Variants in EXT1 observed in about 807,000 individuals in gnomAD.
The protein encoded by EXT1 is exostosin-1.
In EXT1, 20 loss-of-function variants were observed where a neutral mutation model predicts 82.5. The observed-to-expected ratio is 0.24, with a 90% CI of 0.17 to 0.35. EXT1 has a LOEUF of 0.35. EXT1 is among the 10% of genes least tolerant of loss of function. The pLI, the probability that EXT1 is intolerant of heterozygous loss-of-function variation, is 1.00. For synonymous variants in EXT1, 348 were observed against 350.8 expected, an observed-to-expected ratio of 0.99 and a Z score of 0.09; for missense variants, 757 against 936.5, an observed-to-expected ratio of 0.81 and a Z score of 2.50.
chr8:118,004,507 C>G (rs1205962703), intron 1 of EXT1, among the ~76,000 whole-genome samples: 2 of 152,158 alleles, frequency 1.3e-5, no homozygotes, highest in African/African-American at 4.8e-5. Context: ...AGCACTGATA[C>G]ACCAAACCTC....
chr8:118,040,322 A>G (rs1816506315), intron 1 of EXT1, among the ~76,000 whole-genome samples: 2 of 152,182 alleles, frequency 1.3e-5, no homozygotes, highest in African/African-American at 4.8e-5. Context: ...AAAACCAGGT[A>G]GCTATTTTGG....
At chr8:117,893,026 T>C (rs569505073) in intron 1 of EXT1, among the ~76,000 whole-genome samples, 5 of 152,384 alleles carry the variant, frequency 3.3e-5, no homozygotes, top group African/African-American at 1.2e-4. Context: ...AAAATTGTGT[T>C]TACTGTTTCA....
intron 1 of EXT1, among the ~76,000 whole-genome samples, chr8:117,861,100 G>A (rs1812676008): frequency 6.6e-6 from 1 of 152,228 alleles, no homozygotes; most frequent in Non-Finnish European, 1.5e-5. Flanking sequence ...TACTCTGCTG[G>A]GTCCTCATGG....
chr8:117,844,132 A>AATT (rs1184849304), intron 1 of EXT1, among the ~76,000 whole-genome samples: 1 of 57,444 alleles, frequency 1.7e-5, no homozygotes, highest in African/African-American at 7.2e-5. Context: ...TTAAAATTTC[A>AATT]ATTACTATTA....
At chr8:117,914,535 A>G (rs1813710609) in intron 1 of EXT1, among the ~76,000 whole-genome samples, 1 of 152,328 alleles carries the variant, frequency 6.6e-6, no homozygotes, top group African/African-American at 2.4e-5. Context: ...ACGTGCGAGT[A>G]GGAAAGATAT....
chr8:117,799,938 T>C, intron 10 of EXT1, 41 bp from the exon 11 acceptor site: 2 of 1,600,216 alleles, frequency 1.2e-6, no homozygotes, highest in Non-Finnish European at 1.7e-6. Context: ...ATGAGAGAAG[T>C]GCAAGGTGAG....
At chr8:117,834,454 A>T (rs778854675) in intron 3 of EXT1, among the ~76,000 whole-genome samples, 1 of 152,126 alleles carries the variant, frequency 6.6e-6, no homozygotes, top group Non-Finnish European at 1.5e-5. Context: ...CAAATACAAA[A>T]ATTAGCCAGG....
intron 1 of EXT1, among the ~76,000 whole-genome samples, chr8:117,980,881 G>T (rs1438681491): frequency 6.6e-6 from 1 of 152,116 alleles, no homozygotes; most frequent in East Asian, 1.9e-4. Flanking sequence ...CACTCCCGCT[G>T]CGAGGGCACC....
chr8:117,987,415 T>A (rs1429026338), intron 1 of EXT1, among the ~76,000 whole-genome samples: 1 of 152,238 alleles, frequency 6.6e-6, no homozygotes, highest in Non-Finnish European at 1.5e-5. Flanking sequence ...GCATTCTATC[T>A]GCGCAGGCAC....
chr8:117,872,837 A>G (rs1023116134), intron 1 of EXT1, among the ~76,000 whole-genome samples: 24 of 152,028 alleles, frequency 1.6e-4, no homozygotes, highest in African/African-American at 4.6e-4. Context: ...AAAAAAAAAA[A>G]AAAGAAAGAA....
At chr8:117,942,981 C>A (rs1016996755) in intron 1 of EXT1, among the ~76,000 whole-genome samples, 4 of 152,154 alleles carry the variant, frequency 2.6e-5, no homozygotes, top group Non-Finnish European at 4.4e-5. Context: ...AACTCTCAAA[C>A]GTCTTTTTGA....
At chr8:118,052,305 A>AT (rs1816730191) in intron 1 of EXT1, among the ~76,000 whole-genome samples, 1 of 152,244 alleles carries the variant, frequency 6.6e-6, no homozygotes, top group African/African-American at 2.4e-5. Context: ...ATATAGTTGG[A>AT]TTTTTAAAAT....
intron 1 of EXT1, among the ~76,000 whole-genome samples, chr8:117,914,328 C>A (rs562364476): frequency 6.6e-5 from 10 of 152,296 alleles, no homozygotes; most frequent in Admixed American, 5.9e-4. Context: ...TACGTCAGGA[C>A]CACTGTGATA....
chr8:117,979,102 C>A (rs1279738284), intron 1 of EXT1, among the ~76,000 whole-genome samples: 2 of 152,046 alleles, frequency 1.3e-5, no homozygotes, highest in African/African-American at 2.4e-5. Flanking sequence ...TGCCTGTAAT[C>A]CTAGCACTTC....
At chr8:117,837,969 A>G (rs886349740) in intron 1 of EXT1, among the ~76,000 whole-genome samples, 3 of 152,210 alleles carry the variant, frequency 2.0e-5, no homozygotes, top group African/African-American at 7.2e-5. Flanking sequence ...TGCTTTTCGA[A>G]AAAACATACA....
At chr8:117,968,598 C>T in intron 1 of EXT1, among the ~76,000 whole-genome samples, 1 of 48,486 alleles carries the variant, frequency 2.1e-5, no homozygotes. Context: ...GAGACGGAGT[C>T]TCACTCTGTC....
intron 1 of EXT1, among the ~76,000 whole-genome samples, chr8:118,074,192 A>G (rs1483402272): frequency 6.6e-6 from 1 of 152,112 alleles, no homozygotes; most frequent in East Asian, 1.9e-4. Flanking sequence ...TGATCTAAGC[A>G]ACCAATAGGA....
At chr8:117,801,685 T>C (rs749170005) in intron 10 of EXT1, among the ~76,000 whole-genome samples, 2 of 152,140 alleles carry the variant, frequency 1.3e-5, no homozygotes, top group Admixed American at 6.5e-5. Flanking sequence ...TTTGTATTTT[T>C]AGTAGAGATG....
chr8:117,841,034 C>T (rs1812266873), intron 1 of EXT1, among the ~76,000 whole-genome samples: 1 of 152,202 alleles, frequency 6.6e-6, no homozygotes, highest in Admixed American at 6.5e-5. Flanking sequence ...TAAAAATGGA[C>T]TTACCATATG....
Sources: gnomAD v4.1 joint callset for allele counts (sites outside exome capture counted in the v4.1 genomes callset) on GRCh38, gnomAD v4.1.1 for gene constraint, MANE v1.5 for transcripts, NCBI Gene and HGNC (gene_info 2026-07-23, HGNC 2026-07-21) for gene names.